PCBP3: variants seen among roughly 807,000 people sequenced by gnomAD.
The protein encoded by PCBP3 is poly(rC)-binding protein 3.
A neutral mutation model predicts 52.7 loss-of-function variants in PCBP3; 25 were observed. The ratio of observed to expected loss-of-function variants is 0.47; its 90% CI spans 0.35 to 0.66. The LOEUF (loss-of-function observed/expected upper bound fraction) is 0.66. Ranked by LOEUF, PCBP3 falls within the 30% of genes least tolerant of loss-of-function variation. PCBP3 has a pLI of 0.01. For synonymous variants in PCBP3, 162 were observed against 183.0 expected, an observed-to-expected ratio of 0.89 and a Z score of 0.93; for missense variants, 391 against 490.3, an observed-to-expected ratio of 0.80 and a Z score of 1.91.
chr21:45,673,083 GCTGT>G (rs1555901646), intron 2 of PCBP3, among the ~76,000 whole-genome samples: 2 of 152,218 alleles, frequency 1.3e-5, no homozygotes. Context: ...CTCATTACCA[GCTGT>G]CTGACAGCAG....
At chr21:45,940,851 G>A (rs942753932) in intron 17 of PCBP3, among the ~76,000 whole-genome samples, 3 of 75,572 alleles carry the variant, frequency 4.0e-5, no homozygotes, top group Non-Finnish European at 7.8e-5. Context: ...GGCCTCTGAT[G>A]TAAGGAACAT....
chr21:45,772,861 G>A (rs1945047113), intron 4 of PCBP3, among the ~76,000 whole-genome samples: 1 of 151,870 alleles, frequency 6.6e-6, no homozygotes, highest in Admixed American at 6.6e-5. Context: ...CATACTTCTT[G>A]GCTGTTTGTG....
intron 4 of PCBP3, among the ~76,000 whole-genome samples, chr21:45,797,830 C>G: frequency 6.4e-3 from 1 of 156 alleles, no homozygotes; most frequent in Non-Finnish European, 0.019. Context: ...TGCATGTATC[C>G]ATAGAGAGTG....
At chr21:45,905,842 G>A (rs1432777044) in intron 9 of PCBP3, among the ~76,000 whole-genome samples, 1 of 152,156 alleles carries the variant, frequency 6.6e-6, no homozygotes, top group African/African-American at 2.4e-5. Flanking sequence ...GGGTTTCAGT[G>A]GATGAACTTG....
chr21:45,649,070 G>A (rs952362777), intron 1 of PCBP3, among the ~76,000 whole-genome samples: 8 of 152,190 alleles, frequency 5.3e-5, no homozygotes, highest in African/African-American at 1.9e-4. Flanking sequence ...ACATACCCGA[G>A]ACTGGGCAAT....
At chr21:45,744,166 T>C (rs1430322514) in intron 3 of PCBP3, 1 of 151,846 alleles carries the variant, frequency 6.6e-6, no homozygotes, top group African/African-American at 2.4e-5. Flanking sequence ...TATGTTGTGC[T>C]CGTCATTTTT....
intron 15 of PCBP3, among the ~76,000 whole-genome samples, chr21:45,934,002 G>A (rs528242477): frequency 4.5e-4 from 69 of 152,300 alleles, no homozygotes; most frequent in African/African-American, 1.6e-3. Flanking sequence ...GGAGCTCATT[G>A]GGAGTCTCCA....
intron 5 of PCBP3, among the ~76,000 whole-genome samples, chr21:45,890,136 G>C (rs1007471632): frequency 6.6e-6 from 1 of 152,230 alleles, no homozygotes; most frequent in African/African-American, 2.4e-5. Context: ...ACTCTGCTGC[G>C]GGAGAGAATG....
Position 45,792,732 on chromosome 21 carries a change from T to C in PCBP3, c.-126+37280T>C, listed in dbSNP as rs73907881. Among the ~76,000 whole-genome samples the C allele has an allele frequency of 2.7e-3, 406 of 152,310 alleles. 3 individuals are homozygous for C. Among genetic ancestry groups the C allele is most frequent in the African/African-American group, 9.3e-3 (386 of 41,578 alleles). ...ACAGAAGACATGCAGACAGGCCTAA[T>C]GCAGAGAAGAGTGGAAGTTAGGACG... On this transcript the variant is annotated intron_variant, in intron 4 of 17. Coordinates refer to ENST00000681687, the MANE Select transcript of PCBP3 (RefSeq NM_001384156.1).
chr21:45,795,976 AC>A (rs1186093043), intron 4 of PCBP3, among the ~76,000 whole-genome samples: 2 of 152,220 alleles, frequency 1.3e-5, no homozygotes, highest in Non-Finnish European at 2.9e-5. Flanking sequence ...ACAGTTTTCT[AC>A]AAAGATGTAA....
intron 4 of PCBP3, among the ~76,000 whole-genome samples, chr21:45,768,357 G>A (rs1302587579): frequency 6.6e-6 from 1 of 152,232 alleles, no homozygotes; most frequent in East Asian, 1.9e-4. Context: ...ATACTTGGCT[G>A]TGGTTTTGCT....
At chr21:45,772,510 T>C (rs1478263642) in intron 4 of PCBP3, among the ~76,000 whole-genome samples, 2 of 152,226 alleles carry the variant, frequency 1.3e-5, no homozygotes, top group African/African-American at 4.8e-5. Flanking sequence ...TTGTGAATAG[T>C]ACTGCAATAA....
At chr21:45,681,621 A>G (rs911543720) in intron 2 of PCBP3, among the ~76,000 whole-genome samples, 6 of 152,218 alleles carry the variant, frequency 3.9e-5, no homozygotes, top group Non-Finnish European at 8.8e-5. Context: ...GAACCATTGT[A>G]AGTCAGGGAA....
chr21:45,770,331 A>G (rs1177719923), intron 4 of PCBP3, among the ~76,000 whole-genome samples: 1 of 152,142 alleles, frequency 6.6e-6, no homozygotes, highest in Non-Finnish European at 1.5e-5. Context: ...TTTTCTTTTT[A>G]GACTATCGTT....
chr21:45,793,350 C>A (rs2091732856), intron 4 of PCBP3, among the ~76,000 whole-genome samples: 1 of 152,066 alleles, frequency 6.6e-6, no homozygotes, highest in Non-Finnish European at 1.5e-5. Flanking sequence ...AGAGCTATTC[C>A]CGAGCACAGA....
intron 9 of PCBP3, among the ~76,000 whole-genome samples, chr21:45,905,793 G>T (rs1053891596): frequency 1.3e-5 from 2 of 152,170 alleles, no homozygotes; most frequent in Non-Finnish European, 2.9e-5. Context: ...AGTTACCTCT[G>T]TAAAGCCCCA....
At chr21:45,913,254 T>C (rs2096436863) in intron 11 of PCBP3, among the ~76,000 whole-genome samples, 1 of 152,246 alleles carries the variant, frequency 6.6e-6, no homozygotes, top group Non-Finnish European at 1.5e-5. Context: ...AACCTCATCG[T>C]AACTATGGGA....
At chr21:45,906,258 A>G (rs2096201212) in intron 9 of PCBP3, among the ~76,000 whole-genome samples, 1 of 152,168 alleles carries the variant, frequency 6.6e-6, no homozygotes, top group African/African-American at 2.4e-5. Flanking sequence ...GTTTCGGTTC[A>G]GTACCCCTAG....
At chr21:45,669,233 A>G (rs1231857542) in intron 2 of PCBP3, among the ~76,000 whole-genome samples, 2 of 152,058 alleles carry the variant, frequency 1.3e-5, no homozygotes, top group Non-Finnish European at 2.9e-5. Flanking sequence ...TTTACTTTGA[A>G]TATTTTATTT....
Sources: gnomAD v4.1 joint callset for allele counts (sites outside exome capture counted in the v4.1 genomes callset) on GRCh38, gnomAD v4.1.1 for gene constraint, MANE v1.5 for transcripts, NCBI Gene and HGNC (gene_info 2026-07-23, HGNC 2026-07-21) for gene names.